Variants in SYNGR1 observed in about 807,000 individuals in gnomAD.
SYNGR1 encodes the protein synaptogyrin-1.
A neutral mutation model predicts 26.1 loss-of-function variants in SYNGR1; 14 were observed. That is an observed-to-expected ratio of 0.54 (90% CI 0.35 to 0.84). SYNGR1 has a LOEUF of 0.84. Ranked by LOEUF, SYNGR1 falls within the 40% of genes least tolerant of loss-of-function variation. The pLI, the probability that SYNGR1 is intolerant of heterozygous loss-of-function variation, is 0.01. For synonymous variants in SYNGR1, 141 were observed against 150.1 expected (o/e 0.94, Z 0.44); for missense variants, 319 against 332.9 (o/e 0.96, Z 0.33).
At chr22:39,366,010 T>TTTTTTTTTTTTTC in intron 1 of SYNGR1, among the ~76,000 whole-genome samples, 1 of 138,340 alleles carries the variant, frequency 7.2e-6, no homozygotes, top group Non-Finnish European at 1.5e-5. Context: ...TTTTTTTTTT[T>TTTTTTTTTTTTTC]TTTTTGAGAC....
chr22:39,377,827 G>A (rs1925357231), intron 3 of SYNGR1: 2 of 1,524,910 alleles, frequency 1.3e-6, no homozygotes, highest in Non-Finnish European at 1.8e-6. Flanking sequence ...ACCAATTCAG[G>A]TTCTCCACTG....
Position 39,384,876 on chromosome 22 carries a change from G to A in SYNGR1, c.*2962G>A, listed in dbSNP as rs1925608389. The A allele has an allele frequency of 7.5e-6, 3 of 398,972 alleles. No individual in the cohort carries two copies. The highest frequency in any genetic ancestry group is 1.3e-5 in the Non-Finnish European group (3 of 226,176). The allele number at this position is 398,972 out of a possible 1,614,324, so 24.7% of individuals were successfully genotyped here. On this transcript the variant is annotated 3_prime_UTR_variant, in exon 4 of 4. Transcript: ENST00000328933. ...GACTTGTCCAAGGTCAAGCACAGAGGGAGAGGTTCAGGAGTCAGGTCTTCT... is the reference window on the plus strand; with the variant it reads ...GACTTGTCCAAGGTCAAGCACAGAGAGAGAGGTTCAGGAGTCAGGTCTTCT...
chr22:39,376,337 T>A (rs1911666276), intron 3 of SYNGR1, 140 bp downstream of exon 3: 1 of 1,406,554 alleles, frequency 7.1e-7, no homozygotes, highest in Admixed American at 1.7e-5. Flanking sequence ...TGCCTGCCTG[T>A]CTGCGGCGCT....
chr22:39,366,780 G>A, intron 1 of SYNGR1, among the ~76,000 whole-genome samples: 1 of 152,178 alleles, frequency 6.6e-6, no homozygotes, highest in South Asian at 2.1e-4. Context: ...TGCCACCACA[G>A]TCTTTTCTCT....
intron 1 of SYNGR1, among the ~76,000 whole-genome samples, chr22:39,354,188 C>T (rs570692617): frequency 6.6e-6 from 1 of 152,328 alleles, no homozygotes; most frequent in South Asian, 2.1e-4. Context: ...TCTACTTTGA[C>T]AAAATGAAAA....
chr22:39,381,627 G>T, intron 3 of SYNGR1, 69 bp from the exon 4 acceptor site: 1 of 1,530,972 alleles, frequency 6.5e-7, no homozygotes, highest in East Asian at 2.3e-5. Context: ...CTAACCCAGT[G>T]CTCTTGTCTG....
At chr22:39,361,454 G>T (rs990922778) in intron 1 of SYNGR1, among the ~76,000 whole-genome samples, 2 of 151,486 alleles carry the variant, frequency 1.3e-5, no homozygotes, top group African/African-American at 4.9e-5. Flanking sequence ...CACAATCGGG[G>T]TCAACCGATT....
At chr22:39,371,683 T>C (rs1413339298) in intron 1 of SYNGR1, among the ~76,000 whole-genome samples, 1 of 152,034 alleles carries the variant, frequency 6.6e-6, no homozygotes, top group Non-Finnish European at 1.5e-5. Context: ...TCCCGGCTAC[T>C]CAGGAGGCTG....
chr22:39,368,394 G>A (rs1009883259), intron 1 of SYNGR1, among the ~76,000 whole-genome samples: 12 of 152,160 alleles, frequency 7.9e-5, no homozygotes, highest in African/African-American at 2.9e-4. Flanking sequence ...CACACAATCG[G>A]CTCCCACAGC....
chr22:39,351,502 T>C (rs1032042950), intron 1 of SYNGR1, among the ~76,000 whole-genome samples: 1 of 152,248 alleles, frequency 6.6e-6, no homozygotes, highest in Non-Finnish European at 1.5e-5. Flanking sequence ...CATTTATCTG[T>C]GCCAGTCTCC....
chr22:39,351,168 T>A (rs2145602010), intron 1 of SYNGR1, among the ~76,000 whole-genome samples: 1 of 152,274 alleles, frequency 6.6e-6, no homozygotes, highest in Non-Finnish European at 1.5e-5. Context: ...GGTTCTGGCC[T>A]CTGCAGGCCT....
chr22:39,362,006 C>T (rs1483124142), intron 1 of SYNGR1, among the ~76,000 whole-genome samples: 2 of 126,030 alleles, frequency 1.6e-5, no homozygotes. Flanking sequence ...TTGTTTCCTC[C>T]TTTCTCTCCT....
At chr22:39,352,878 T>A (rs1923973380) in intron 1 of SYNGR1, among the ~76,000 whole-genome samples, 1 of 152,160 alleles carries the variant, frequency 6.6e-6, no homozygotes, top group African/African-American at 2.4e-5. Flanking sequence ...TTTTCTTTTT[T>A]TGAGATGGAG....
At chr22:39,362,841 C>G (rs1192694689) in intron 1 of SYNGR1, among the ~76,000 whole-genome samples, 1 of 152,112 alleles carries the variant, frequency 6.6e-6, no homozygotes, top group Non-Finnish European at 1.5e-5. Context: ...CTGCCTGGCC[C>G]TCTCTGACTA....
At chr22:39,378,389 A>ATTCG (rs1210907843) in intron 3 of SYNGR1, 2 of 982,774 alleles carry the variant, frequency 2.0e-6, no homozygotes, top group Non-Finnish European at 2.4e-6. Context: ...TCATTCATTC[A>ATTCG]TTCATTCATT....
chr22:39,360,961 G>A (rs1264468194), intron 1 of SYNGR1, among the ~76,000 whole-genome samples: 1 of 152,180 alleles, frequency 6.6e-6, no homozygotes, highest in Non-Finnish European at 1.5e-5. Context: ...ATCTCCTTAG[G>A]GCCCCAACTA....
At chr22:39,375,121 CAG>C in intron 2 of SYNGR1, 1 of 168,126 alleles carries the variant, frequency 5.9e-6, no homozygotes, top group Admixed American at 5.5e-5. Flanking sequence ...TGCTCTCAGT[CAG>C]GGGTCCGAAC....
intron 3 of SYNGR1, among the ~76,000 whole-genome samples, chr22:39,380,640 T>TTTTTTTA (rs1925471084): frequency 2.8e-5 from 4 of 142,376 alleles, no homozygotes; most frequent in African/African-American, 1.1e-4. Context: ...TTTTTTTTTT[T>TTTTTTTA]GAGACAGTCT....
At chr22:39,373,892 G>T (rs942639545) in intron 1 of SYNGR1, among the ~76,000 whole-genome samples, 1 of 152,254 alleles carries the variant, frequency 6.6e-6, no homozygotes, top group Admixed American at 6.5e-5. Context: ...ACAAGATGGG[G>T]CCCGGCACAT....
Sources: gnomAD v4.1 joint callset for allele counts (sites outside exome capture counted in the v4.1 genomes callset) on GRCh38, gnomAD v4.1.1 for gene constraint, MANE v1.5 for transcripts, NCBI Gene and HGNC (gene_info 2026-07-23, HGNC 2026-07-21) for gene names.